Variants in SLC28A3 observed in about 807,000 individuals in gnomAD.
The protein encoded by SLC28A3 is solute carrier family 28 member 3.
Under a neutral mutation model 84.2 loss-of-function variants are expected in SLC28A3, and 68 were observed. The ratio of observed to expected loss-of-function variants is 0.81; its 90% CI spans 0.66 to 0.99. The LOEUF is 0.99. Among genes scored for constraint, SLC28A3 ranks in the 50% least tolerant of loss-of-function variants. The pLI is 0.00. For missense variants in SLC28A3, 712 were observed against 841.5 expected, an observed-to-expected ratio of 0.85 and a Z score of 1.90; for synonymous variants, 267 against 303.6, an observed-to-expected ratio of 0.88 and a Z score of 1.25.
In SLC28A3 at chr9:84,301,046, A is replaced by G. The variant is rs939695181; in HGVS notation, c.524+1154T>C. 2.9e-4 allele frequency among the ~76,000 whole-genome samples: 44 copies of G among 152,024 alleles called. 1 individual carries two copies. The highest frequency in any genetic ancestry group is 1.5e-5 in the Non-Finnish European group (1 of 68,000). ...TATATACACCTACGACATACCCACA[A>G]CAATTAAAAATTTAAAAAATAGGCT... On this transcript the variant is annotated intron_variant, in intron 5 of 17. Coordinates refer to ENST00000376238, the MANE Select transcript of SLC28A3 (RefSeq NM_001199633.2).
upstream of SLC28A3, among the ~76,000 whole-genome samples, chr9:84,341,690 C>T (rs1827161325): frequency 6.6e-6 from 1 of 152,094 alleles, no homozygotes. Context: ...AGGTGACCAG[C>T]TATTCAATTA....
At chr9:84,357,024 G>A in the SLC28A3 span, among the ~76,000 whole-genome samples, 2 of 151,942 alleles carry the variant, frequency 1.3e-5, no homozygotes, top group Admixed American at 1.3e-4. Context: ...ACATCCCCTT[G>A]TAAAACACTA....
intron 3 of SLC28A3, among the ~76,000 whole-genome samples, chr9:84,305,680 A>C (rs982150967): frequency 6.6e-6 from 1 of 152,182 alleles, no homozygotes; most frequent in African/African-American, 2.4e-5. Context: ...CTGGCACACT[A>C]TGAGATCCTC....
chr9:84,345,074 A>G (rs1827227053), upstream of SLC28A3, among the ~76,000 whole-genome samples: 1 of 152,314 alleles, frequency 6.6e-6, no homozygotes, highest in South Asian at 2.1e-4. Flanking sequence ...TGATAAAATG[A>G]GTTAATATAC....
At chr9:84,305,415 C>A in intron 3 of SLC28A3, 70 bp from the exon 4 acceptor site, 1 of 1,257,888 alleles carries the variant, frequency 7.9e-7, no homozygotes, top group Admixed American at 1.9e-5. Flanking sequence ...CATGGTGAGG[C>A]TAGATTAAGC....
At chr9:84,288,217 C>G in intron 11 of SLC28A3, 39 bp from the exon 12 acceptor site, 1 of 1,612,182 alleles carries the variant, frequency 6.2e-7, no homozygotes, top group Non-Finnish European at 8.5e-7. Flanking sequence ...CTGGGATTAG[C>G]TTTTTTCTTG....
In SLC28A3 at chr9:84,278,202, G is replaced by A. The variant is rs766406931; in HGVS notation, c.*16C>T. On this transcript the variant is annotated 3_prime_UTR_variant, in exon 18 of 18. Transcript: ENST00000376238. ...AGCATCTGTACTTCAGAGTTCCACT[G>A]GAGAAGTGGCTGACCTCAAAATGTA... 58 of 1,611,918 alleles carry A rather than the reference G, an allele frequency of 3.6e-5. No individual in the cohort carries two copies. The highest frequency in any genetic ancestry group is 4.9e-5 in the Non-Finnish European group (58 of 1,178,848).
At chr9:84,296,008 G>A (rs1825400283) in intron 8 of SLC28A3, among the ~76,000 whole-genome samples, 2 of 152,212 alleles carry the variant, frequency 1.3e-5, no homozygotes, top group African/African-American at 4.8e-5. Flanking sequence ...TCTCTGGAAT[G>A]TTAGCAGAGG....
intron 10 of SLC28A3, 87 bp from the exon 11 acceptor site, chr9:84,290,366 T>C: frequency 6.6e-7 from 1 of 1,518,684 alleles, no homozygotes. Context: ...AATTTTATTC[T>C]TTAAAGCAGA....
the SLC28A3 span, among the ~76,000 whole-genome samples, chr9:84,364,796 T>A: frequency 6.6e-6 from 1 of 152,172 alleles, no homozygotes; most frequent in African/African-American, 2.4e-5. Flanking sequence ...CCTAGCTTAT[T>A]TCACTTAACA....
chr9:84,275,624 A>G lies in SLC28A3; in HGVS notation c.*2594T>C, dbSNP rs1337618144. On this transcript the variant is annotated 3_prime_UTR_variant, in exon 18 of 18. Coordinates refer to ENST00000376238, the MANE Select transcript of SLC28A3 (RefSeq NM_001199633.2). ...ATGTCTACTAAAGAGGAATAAAAAC[A>G]TCACCATGCACCAAAAACCTCCATT... 4 of 152,232 alleles carry G rather than the reference A, an allele frequency of 2.6e-5. No individual in the cohort carries two copies. 9.4% of individuals were successfully genotyped at this position (152,232 alleles called of 1,614,324 possible). A position where few individuals can be genotyped will look rare whatever the true frequency, so the allele number is the denominator to read the frequency against.
chr9:84,302,442 C>T, intron 4 of SLC28A3, 53 bp from the exon 5 acceptor site: 1 of 1,563,442 alleles, frequency 6.4e-7, no homozygotes, highest in Non-Finnish European at 8.7e-7. Flanking sequence ...TGGGACACGC[C>T]TCCAGGCTCC....
the SLC28A3 span, among the ~76,000 whole-genome samples, chr9:84,349,034 A>C: frequency 6.6e-6 from 1 of 151,976 alleles, no homozygotes; most frequent in South Asian, 2.1e-4. Context: ...AGAGACCACC[A>C]AACAGGCTTT....
Position 84,314,914 on chromosome 9 carries a change from TA to T in SLC28A3, c.61-1461del, listed in dbSNP as rs968191177. ...TAACATGGTGAAACCCCGTCTCTAC[TA>T]AAAATACAAACATTAGCTGGGCGTG... On this transcript the variant is annotated intron_variant, in intron 1 of 17. Transcript: ENST00000376238. Among the ~76,000 whole-genome samples, 16 of 152,178 alleles carry T rather than the reference TA, an allele frequency of 1.1e-4. No individual in the cohort carries two copies. The East Asian group carries it at 2.3e-3, about 22-fold the overall frequency.
chr9:84,323,381 C>T (rs1473008866), intron 1 of SLC28A3, among the ~76,000 whole-genome samples: 3 of 151,856 alleles, frequency 2.0e-5, no homozygotes, highest in Non-Finnish European at 4.4e-5. Flanking sequence ...CTCAACTCTT[C>T]ACCTGAAGAA....
chr9:84,290,308 C>CTTT, intron 10 of SLC28A3, 29 bp from the exon 11 acceptor site: 1 of 1,611,646 alleles, frequency 6.2e-7, no homozygotes, highest in East Asian at 2.2e-5. Flanking sequence ...GACCAGATTC[C>CTTT]TTTTTAAATC....
In SLC28A3 at chr9:84,277,994, A is replaced by G; in HGVS notation, c.*224T>C. On this transcript the variant is annotated 3_prime_UTR_variant, in exon 18 of 18. Coordinates refer to ENST00000376238, the MANE Select transcript of SLC28A3 (RefSeq NM_001199633.2). ...GGAATCAACAACACCTCACTTTGGG[A>G]CATCATAGCAGTTCTTGGTGGGGAA... 1.9e-6 allele frequency: 1 copy of G among 519,756 alleles called. No homozygotes were observed. The allele number at this position is 519,756 out of a possible 1,614,324, so 32.2% of individuals were successfully genotyped here. A position where few individuals can be genotyped will look rare whatever the true frequency, so the allele number is the denominator to read the frequency against.
Position 84,277,131 on chromosome 9 carries a change from C to T in SLC28A3, c.*1087G>A, listed in dbSNP as rs1482996817. On this transcript the variant is annotated 3_prime_UTR_variant, in exon 18 of 18. Transcript: ENST00000376238. ...TTTTCCTCAACTGCTTCTTACACGG[C>T]TTTTGATTGAAGAGTAGCTGCTTTG... 2 of 152,220 alleles carry T rather than the reference C, an allele frequency of 1.3e-5. No individual in the cohort carries two copies. Among genetic ancestry groups the T allele is most frequent in the African/African-American group, 4.8e-5 (2 of 41,456 alleles). The allele number at this position is 152,220 out of a possible 1,614,324, so 9.4% of individuals were successfully genotyped here.
intron 12 of SLC28A3, among the ~76,000 whole-genome samples, chr9:84,286,542 C>T (rs1824997793): frequency 6.7e-6 from 1 of 150,346 alleles, no homozygotes; most frequent in Non-Finnish European, 1.5e-5. Flanking sequence ...TTATCTTAGC[C>T]TCCAGAGTCT....
Sources: gnomAD v4.1 joint callset for allele counts (sites outside exome capture counted in the v4.1 genomes callset) on GRCh38, gnomAD v4.1.1 for gene constraint, MANE v1.5 for transcripts, NCBI Gene and HGNC (gene_info 2026-07-23, HGNC 2026-07-21) for gene names.